Variants in CCDC148 observed in about 807,000 individuals in gnomAD.
CCDC148 encodes the protein coiled-coil domain-containing protein 148.
A neutral mutation model predicts 85.7 loss-of-function variants in CCDC148; 89 were observed. That is an observed-to-expected ratio of 1.04 (90% CI 0.87 to 1.24). CCDC148 has a LOEUF of 1.24. CCDC148 is among the 50% of genes most tolerant of loss of function. The pLI is 0.00. For missense variants in CCDC148, 692 were observed against 671.7 expected (o/e 1.03, Z -0.33); for synonymous variants, 230 against 213.9 (o/e 1.08, Z -0.66).
intron 9 of CCDC148, among the ~76,000 whole-genome samples, chr2:158,292,750 T>A (rs899845139): frequency 6.6e-5 from 10 of 152,218 alleles, no homozygotes; most frequent in African/African-American, 2.4e-4. Flanking sequence ...CTATAGGGAT[T>A]GCCTGAAATA....
chr2:158,420,759 G>A (rs979038097), intron 1 of CCDC148, among the ~76,000 whole-genome samples: 1 of 152,068 alleles, frequency 6.6e-6, no homozygotes, highest in Admixed American at 6.6e-5. Context: ...AATGTAAATG[G>A]GCTAAATGCT....
chr2:158,307,912 A>G (rs1691773936), intron 9 of CCDC148, among the ~76,000 whole-genome samples: 1 of 152,194 alleles, frequency 6.6e-6, no homozygotes, highest in South Asian at 2.1e-4. Flanking sequence ...TGGTCTTCTG[A>G]GCTGCCAGAA....
At chr2:158,341,432 G>A (rs1039997357) in intron 3 of CCDC148, among the ~76,000 whole-genome samples, 6 of 151,170 alleles carry the variant, frequency 4.0e-5, no homozygotes, top group South Asian at 2.1e-4. Context: ...TAAGCCTCCC[G>A]AGTAGGTGGA....
At chr2:158,322,818 T>A (rs1169532777) in intron 7 of CCDC148, among the ~76,000 whole-genome samples, 2 of 151,984 alleles carry the variant, frequency 1.3e-5, no homozygotes, top group Non-Finnish European at 2.9e-5. Flanking sequence ...GCATTCAGAG[T>A]CAGATCTCGA....
chr2:158,229,538 A>T (rs1004974030), intron 10 of CCDC148, among the ~76,000 whole-genome samples: 3 of 152,200 alleles, frequency 2.0e-5, no homozygotes, highest in Admixed American at 6.6e-5. Context: ...TCATAGTGAT[A>T]TTCTAAAACC....
Position 158,291,574 on chromosome 2 carries a change from G to T in CCDC148, c.1110+17859C>A, listed in dbSNP as rs143568364. ...TATCCTTGAGCAATTTGTTGAAAGGGTTGCCTCTTTGGTGTTTATATGGTT... is the reference window on the plus strand; with the variant it reads ...TATCCTTGAGCAATTTGTTGAAAGGTTTGCCTCTTTGGTGTTTATATGGTT... On this transcript the variant is annotated intron_variant, in intron 9 of 13. Coordinates refer to ENST00000283233, the MANE Select transcript of CCDC148 (RefSeq NM_138803.4). Among the ~76,000 whole-genome samples, 431 of 152,196 alleles carry T rather than the reference G, an allele frequency of 2.8e-3. 3 individuals are homozygous for T. The highest frequency in any genetic ancestry group is 9.7e-3 in the African/African-American group (402 of 41,514).
intron 11 of CCDC148, among the ~76,000 whole-genome samples, chr2:158,195,346 T>C (rs575973438): frequency 2.6e-5 from 4 of 151,908 alleles, no homozygotes; most frequent in Non-Finnish European, 1.5e-5. Flanking sequence ...ATCCAACATC[T>C]GGCCTTTAAG....
chr2:158,419,990 C>A (rs997668936), intron 1 of CCDC148: 38 of 152,236 alleles, frequency 2.5e-4, no homozygotes, highest in Admixed American at 3.3e-4. Context: ...AGTCTGCATG[C>A]CAGCACCTCT....
chr2:158,424,487 T>C (rs1686974017), intron 1 of CCDC148, among the ~76,000 whole-genome samples: 1 of 152,046 alleles, frequency 6.6e-6, no homozygotes, highest in South Asian at 2.1e-4. Flanking sequence ...AAACACCGCA[T>C]GTTCTCACTC....
intron 11 of CCDC148, among the ~76,000 whole-genome samples, chr2:158,210,142 A>G (rs1686482146): frequency 6.6e-6 from 1 of 152,186 alleles, no homozygotes; most frequent in South Asian, 2.1e-4. Flanking sequence ...GGAAAGCAAA[A>G]AAAGGCAGGG....
intron 9 of CCDC148, among the ~76,000 whole-genome samples, chr2:158,295,150 TAC>T (rs1158770356): frequency 2.6e-5 from 4 of 152,234 alleles, no homozygotes; most frequent in Non-Finnish European, 5.9e-5. Flanking sequence ...CCTCGACACA[TAC>T]ACCCTCTCAA....
intron 11 of CCDC148, among the ~76,000 whole-genome samples, chr2:158,179,788 T>C (rs1280756410): frequency 6.6e-6 from 1 of 152,224 alleles, no homozygotes; most frequent in East Asian, 1.9e-4. Context: ...ACATTCTCAC[T>C]TTCTGAGTAG....
At chr2:158,292,663 A>C (rs903218597) in intron 9 of CCDC148, among the ~76,000 whole-genome samples, 4 of 152,324 alleles carry the variant, frequency 2.6e-5, no homozygotes, top group African/African-American at 9.6e-5. Flanking sequence ...TACAAAAGGC[A>C]GTTAGATCTG....
chr2:158,327,469 T>A (rs1383187605), intron 7 of CCDC148, among the ~76,000 whole-genome samples: 1 of 152,208 alleles, frequency 6.6e-6, no homozygotes, highest in African/African-American at 2.4e-5. Context: ...TATGATCACA[T>A]GAGCAACGTG....
At chr2:158,284,325 C>A (rs941182660) in intron 9 of CCDC148, among the ~76,000 whole-genome samples, 2 of 151,248 alleles carry the variant, frequency 1.3e-5, no homozygotes, top group African/African-American at 2.4e-5. Flanking sequence ...TTCAGACCAA[C>A]CTTTCTGCTA....
intron 1 of CCDC148, among the ~76,000 whole-genome samples, chr2:158,363,538 G>A (rs751967643): frequency 1.1e-4 from 17 of 151,894 alleles, no homozygotes; most frequent in African/African-American, 3.9e-4. Context: ...GTAATCCATC[G>A]CATAAACAGA....
At chr2:158,283,444 C>T (rs1045503110) in intron 9 of CCDC148, among the ~76,000 whole-genome samples, 10 of 151,776 alleles carry the variant, frequency 6.6e-5, no homozygotes, top group Admixed American at 1.3e-4. Context: ...TGAAAAACAA[C>T]GCCATCAAAA....
intron 9 of CCDC148, among the ~76,000 whole-genome samples, chr2:158,291,322 A>G (rs1312411185): frequency 6.6e-6 from 1 of 152,166 alleles, no homozygotes; most frequent in African/African-American, 2.4e-5. Flanking sequence ...ACACAGGTAG[A>G]CAAAAACTCC....
chr2:158,337,155 T>C (rs2105239004), intron 7 of CCDC148, among the ~76,000 whole-genome samples: 1 of 152,290 alleles, frequency 6.6e-6, no homozygotes, highest in Middle Eastern at 3.4e-3. Context: ...TAACTCTTAC[T>C]GGAAGAAAGC....
Sources: gnomAD v4.1 joint callset for allele counts (sites outside exome capture counted in the v4.1 genomes callset) on GRCh38, gnomAD v4.1.1 for gene constraint, MANE v1.5 for transcripts, NCBI Gene and HGNC (gene_info 2026-07-23, HGNC 2026-07-21) for gene names.